GLDC: variants seen among roughly 807,000 people sequenced by gnomAD.
The protein encoded by GLDC is glycine dehydrogenase (decarboxylating), mitochondrial.
A neutral mutation model predicts 121.3 loss-of-function variants in GLDC; 104 were observed. The observed-to-expected ratio is 0.86, with a 90% CI of 0.73 to 1.01. The LOEUF (loss-of-function observed/expected upper bound fraction) is 1.01. Among genes scored for constraint, GLDC ranks in the 50% least tolerant of loss-of-function variants. The pLI, the probability that GLDC is intolerant of heterozygous loss-of-function variation, is 0.00. For synonymous variants in GLDC, 546 were observed against 480.6 expected, an observed-to-expected ratio of 1.14 and a Z score of -1.78; for missense variants, 1,429 against 1,306.6, an observed-to-expected ratio of 1.09 and a Z score of -1.44.
chr9:6,574,357 C>A (rs1445046064), intron 15 of GLDC, among the ~76,000 whole-genome samples: 1 of 151,598 alleles, frequency 6.6e-6, no homozygotes, highest in African/African-American at 2.4e-5. Flanking sequence ...ATTCCAGCTA[C>A]TTGGGAGGCC....
At chr9:6,602,340 C>T (rs1314409864) in intron 7 of GLDC, 135 bp from the exon 8 acceptor site, 1 of 673,428 alleles carries the variant, frequency 1.5e-6, no homozygotes, top group East Asian at 2.9e-5. Context: ...TATAAAGAAA[C>T]AATTTCTAAA....
At chr9:6,606,546 G>T in intron 5 of GLDC, 46 bp downstream of exon 5, 1 of 1,059,842 alleles carries the variant, frequency 9.4e-7, no homozygotes, top group Non-Finnish European at 1.5e-6. Flanking sequence ...CAGCAGAGAT[G>T]AACATGACAT....
intron 3 of GLDC, among the ~76,000 whole-genome samples, chr9:6,612,482 C>G (rs1355467463): frequency 2.6e-5 from 4 of 152,048 alleles, no homozygotes; most frequent in Non-Finnish European, 4.4e-5. Context: ...ACCTGTAACC[C>G]TTGCACTCTG....
At chr9:6,548,703 G>A (rs1035271153) in intron 21 of GLDC, among the ~76,000 whole-genome samples, 1 of 152,144 alleles carries the variant, frequency 6.6e-6, no homozygotes, top group African/African-American at 2.4e-5. Context: ...GGTTCCTGAC[G>A]TCTGTCTCTC....
Position 6,536,157 on chromosome 9 carries a change from C to T in GLDC, c.2745G>A (p.Glu915=), listed in dbSNP as rs1251899490. Residue 915 remains glutamate (E), a synonymous_variant, in exon 23 of 25, where the codon GAG becomes GAA. Coordinates refer to ENST00000321612, the MANE Select transcript of GLDC (RefSeq NM_000170.3). ...VEPTESEDKA[E]LDRFCDAMIS... is the part of the protein sequence containing the mutation. The stretch of plus-strand genomic sequence containing the variant: ...TCATGGCATCACAGAATCTGTCCAG[C>T]TCTGCCTTGTCCTCCGACTCAGTGG... 1 of 1,614,146 alleles carries T rather than the reference C, an allele frequency of 6.2e-7. No homozygotes were observed. The highest frequency in any genetic ancestry group is 1.3e-5 in the African/African-American group (1 of 75,054).
chr9:6,642,778 T>C (rs1168667256), intron 2 of GLDC, among the ~76,000 whole-genome samples: 1 of 152,168 alleles, frequency 6.6e-6, no homozygotes, highest in Non-Finnish European at 1.5e-5. Flanking sequence ...TCCCTGACTT[T>C]GAAAGTCTCA....
chr9:6,556,157 G>C lies in GLDC; in HGVS notation c.2198C>G (p.Ala733Gly). Reference protein sequence around the residue: ...QVYLDGANMNAQVGICRPGDF... With the variant: ...QVYLDGANMNGQVGICRPGDF... The stretch of plus-strand genomic sequence containing the variant: ...GCGGGCCTCTTCAGTTCCCACCTGA[G>C]CATTCATATTTGCCCCGTCTAGGTA... Residue 733 changes from alanine (A) to glycine (G), a missense_variant, in exon 18 of 25, where the codon GCT becomes GGT. Transcript: ENST00000321612. 1.2e-6 allele frequency: 2 copies of C among 1,611,602 alleles called. No homozygotes were observed. The highest frequency in any genetic ancestry group is 1.7e-6 in the Non-Finnish European group (2 of 1,178,632).
intron 2 of GLDC, among the ~76,000 whole-genome samples, chr9:6,629,051 T>C (rs964663753): frequency 5.3e-5 from 8 of 151,862 alleles, no homozygotes; most frequent in African/African-American, 1.9e-4. Context: ...TGCTAAATTC[T>C]GCTTCTCAGA....
chr9:6,638,867 G>T (rs1300439889), intron 2 of GLDC, among the ~76,000 whole-genome samples: 1 of 152,042 alleles, frequency 6.6e-6, no homozygotes, highest in African/African-American at 2.4e-5. Context: ...AAACTAGCTG[G>T]GCATGGTGGT....
At chr9:6,589,084 C>A (rs1397862752) in intron 12 of GLDC, 111 bp downstream of exon 12, 1 of 785,682 alleles carries the variant, frequency 1.3e-6, no homozygotes, top group Admixed American at 1.8e-5. Flanking sequence ...GGAGCCACGG[C>A]TGAGCCAGAA....
At chr9:6,632,006 T>C (rs539634194) in intron 2 of GLDC, among the ~76,000 whole-genome samples, 9 of 152,224 alleles carry the variant, frequency 5.9e-5, no homozygotes, top group African/African-American at 2.2e-4. Context: ...AGGTTGAGGC[T>C]GCAGTGAGCC....
rs144204204 is a variant in GLDC at position 6,546,687 on chromosome 9, C to T, written c.2569+4116G>A. ...CTCTAAAATAATGATGGGGGCCAGA[C>T]GCAGTGGCTCACGCCTGTAATCCCA... is the stretch of plus-strand genomic sequence containing the variant. On this transcript the variant is annotated intron_variant, in intron 21 of 24. Transcript: ENST00000321612. 5.5e-3 allele frequency among the ~76,000 whole-genome samples: 836 copies of T among 151,924 alleles called. 3 individuals are homozygous for T. The highest frequency in any genetic ancestry group is 0.019 in the African/African-American group (772 of 41,440).
chr9:6,602,055 C>T (rs1363530034), intron 8 of GLDC, 54 bp downstream of exon 8: 3 of 1,028,242 alleles, frequency 2.9e-6, no homozygotes, highest in East Asian at 2.4e-5. Context: ...GAATGAGTAG[C>T]TCATTTCTGT....
At position 6,577,516 on chromosome 9, in the gene GLDC, C is replaced by A. The variant is rs144254734; in HGVS notation, c.1850+9625G>T. 4.8e-3 allele frequency among the ~76,000 whole-genome samples: 731 copies of A among 152,294 alleles called. 4 individuals carry two copies. The highest frequency in any genetic ancestry group is 8.5e-3 in the Non-Finnish European group (577 of 68,022). On this transcript the variant is annotated intron_variant, in intron 15 of 24. Transcript: ENST00000321612. ...CTATGCATTTAGTTGTTTCACAATA[C>A]GCATGTTCTCCACCATAAAAATATC... is the stretch of plus-strand genomic sequence containing the variant.
At chr9:6,612,010 T>C (rs567087708) in intron 3 of GLDC, among the ~76,000 whole-genome samples, 10 of 152,286 alleles carry the variant, frequency 6.6e-5, no homozygotes, top group African/African-American at 2.2e-4. Context: ...CTGTTGTCTA[T>C]GCCTTTTGTA....
At chr9:6,591,517 A>G (rs1240907193) in intron 11 of GLDC, among the ~76,000 whole-genome samples, 3 of 152,238 alleles carry the variant, frequency 2.0e-5, no homozygotes, top group African/African-American at 7.2e-5. Context: ...AATGAATATC[A>G]TAATTTTCCA....
chr9:6,584,296 G>C (rs1482194452), intron 15 of GLDC, among the ~76,000 whole-genome samples: 1 of 152,178 alleles, frequency 6.6e-6, no homozygotes, highest in African/African-American at 2.4e-5. Flanking sequence ...TATAACATCA[G>C]TGGCTGACAT....
chr9:6,567,034 G>A (rs1471703421), intron 15 of GLDC: 1 of 152,030 alleles, frequency 6.6e-6, no homozygotes, highest in African/African-American at 2.4e-5. Context: ...AGCACACTGT[G>A]CTCTCCAAGG....
chr9:6,580,425 G>A (rs1818151062), intron 15 of GLDC, among the ~76,000 whole-genome samples: 1 of 152,204 alleles, frequency 6.6e-6, no homozygotes, highest in Admixed American at 6.5e-5. Context: ...AAGGCTGGAA[G>A]AGAACCAGAC....
Sources: gnomAD v4.1 joint callset for allele counts (sites outside exome capture counted in the v4.1 genomes callset) on GRCh38, gnomAD v4.1.1 for gene constraint, MANE v1.5 for transcripts, NCBI Gene and HGNC (gene_info 2026-07-23, HGNC 2026-07-21) for gene names.